TNRC6A: variants seen among roughly 807,000 people sequenced by gnomAD.
The protein encoded by TNRC6A is trinucleotide repeat containing adaptor 6A, also known as trinucleotide repeat-containing gene 6A protein.
TNRC6A carries 44 observed loss-of-function variants against 221.2 expected under a neutral mutation model. That is an observed-to-expected ratio of 0.20 (90% confidence interval 0.16 to 0.26). The LOEUF is 0.26. Among genes scored for constraint, TNRC6A ranks in the 10% least tolerant of loss-of-function variants. TNRC6A has a pLI of 1.00. For synonymous variants in TNRC6A, 847 were observed against 838.5 expected, an observed-to-expected ratio of 1.01 and a Z score of -0.18; for missense variants, 2,199 against 2,404.4, an observed-to-expected ratio of 0.91 and a Z score of 1.79.
chr16:24,776,277 A>G, intron 4 of TNRC6A: 2 of 985,092 alleles, frequency 2.0e-6, no homozygotes, highest in Non-Finnish European at 2.4e-6. Flanking sequence ...TATTTTTCAG[A>G]TTTAAGATAG....
At chr16:24,819,050 G>A (rs955006384) in intron 21 of TNRC6A, among the ~76,000 whole-genome samples, 11 of 151,800 alleles carry the variant, frequency 7.2e-5, no homozygotes, top group South Asian at 2.1e-4. Flanking sequence ...TGTAAAATAC[G>A]GTAAACATGA....
intron 2 of TNRC6A, among the ~76,000 whole-genome samples, chr16:24,684,529 G>A (rs1033470752): frequency 6.6e-6 from 1 of 152,126 alleles, no homozygotes; most frequent in Admixed American, 6.6e-5. Context: ...TGTAGGGCTG[G>A]GCACAGCAGC....
At chr16:24,622,910 T>C (rs916227243) in intron 1 of TNRC6A, among the ~76,000 whole-genome samples, 1 of 152,182 alleles carries the variant, frequency 6.6e-6, no homozygotes, top group Non-Finnish European at 1.5e-5. Context: ...GTGCGGTACA[T>C]AGGTGAATGA....
intron 2 of TNRC6A, among the ~76,000 whole-genome samples, chr16:24,743,488 G>A (rs552169475): frequency 1.1e-4 from 17 of 152,164 alleles, no homozygotes; most frequent in Admixed American, 9.2e-4. Flanking sequence ...ACCACACCCA[G>A]TTAATTTTTA....
intron 18 of TNRC6A, among the ~76,000 whole-genome samples, chr16:24,811,608 T>C (rs2058544793): frequency 1.3e-5 from 2 of 151,940 alleles, no homozygotes; most frequent in Admixed American, 6.6e-5. Context: ...AATTTGAACA[T>C]TGCCTTTTGT....
chr16:24,760,798 A>C (rs890690721), intron 4 of TNRC6A, among the ~76,000 whole-genome samples: 1 of 152,156 alleles, frequency 6.6e-6, no homozygotes, highest in Non-Finnish European at 1.5e-5. Context: ...CTTCTCATAT[A>C]CGCTTCATTC....
chr16:24,790,752 C>T lies in TNRC6A; in HGVS notation c.2110C>T (p.Leu704Phe), dbSNP rs770410818. ...AAGAAAAATTGATCAGCACACATTA[C>T]TCCAAAGCATTGTAAACAGAACTGA... ...DRRKIDQHTL[L>F]QSIVNRTDLD... The change falls in exon 6 of 25, where the codon CTC (leucine) becomes TTC (phenylalanine). Residue 704 changes from leucine (L) to phenylalanine (F), a missense_variant. By Grantham distance (22) the Leu-to-Phe change is conservative. This residue lies in a region of TNRC6A where 1,405 missense variants were observed against 1,400.2 expected (regional missense o/e 1.00). Coordinates refer to ENST00000395799, the MANE Select transcript of TNRC6A (RefSeq NM_014494.4). 1.3e-5 allele frequency: 21 copies of T among 1,614,020 alleles called. No individual in the cohort carries two copies. The highest frequency in any genetic ancestry group is 2.2e-5 in the East Asian group (1 of 44,892).
intron 6 of TNRC6A, 98 bp downstream of exon 6, chr16:24,791,915 T>C (rs2151882816): frequency 7.7e-7 from 1 of 1,304,804 alleles, no homozygotes. Flanking sequence ...AAGGCTGTTC[T>C]TACTGTAATC....
Position 24,809,389 on chromosome 16 carries a change from G to C in TNRC6A, c.4580G>C (p.Ser1527Thr), listed in dbSNP as rs886227819. ...SNLNVNMDMN[S>T]IKEPQSRLRK... ...TTGAATGTAAATATGGATATGAACA[G>C]TATTAAAGAGCCACAGTCAAGACTA... is the stretch of plus-strand genomic sequence containing the variant. Residue 1527 changes from serine (S) to threonine (T), a missense_variant, in exon 18 of 25, where the codon AGT becomes ACT. By Grantham distance (58) the Ser-to-Thr change is moderately conservative. Transcript: ENST00000395799. 1 of 1,594,568 alleles carries C rather than the reference G, an allele frequency of 6.3e-7. No homozygotes were observed. The highest frequency in any genetic ancestry group is 1.1e-5 in the South Asian group (1 of 87,500).
chr16:24,726,664 G>A (rs1269791065), upstream of TNRC6A, among the ~76,000 whole-genome samples: 1 of 152,302 alleles, frequency 6.6e-6, no homozygotes, highest in East Asian at 1.9e-4. Flanking sequence ...AGAAAGCATT[G>A]TTGGGAACGA....
intron 2 of TNRC6A, among the ~76,000 whole-genome samples, chr16:24,737,936 G>A (rs1236458584): frequency 1.3e-5 from 2 of 152,134 alleles, no homozygotes. Flanking sequence ...ATAATTGACT[G>A]TATAACTGAT....
intron 2 of TNRC6A, chr16:24,664,723 G>C (rs72768616): frequency 0.14 from 23,528 of 165,448 alleles, 2,278 homozygotes; most frequent in Non-Finnish European, 0.2. Flanking sequence ...AGTAGGGAGA[G>C]ATCAGAAGAC....
At chr16:24,693,512 C>T (rs765892937) in intron 2 of TNRC6A, among the ~76,000 whole-genome samples, 5 of 152,022 alleles carry the variant, frequency 3.3e-5, no homozygotes, top group Non-Finnish European at 7.4e-5. Context: ...CGCTTGAATC[C>T]GGGAGGCAGA....
intron 2 of TNRC6A, among the ~76,000 whole-genome samples, chr16:24,709,824 CAA>C (rs60844823): frequency 6.1e-4 from 63 of 103,660 alleles, no homozygotes; most frequent in African/African-American, 5.2e-4. Context: ...GACCCTGTCT[CAA>C]AAAAAAAAAA....
In TNRC6A at chr16:24,818,660, C is replaced by G; in HGVS notation, c.5040C>G (p.Asn1680Lys). The stretch of plus-strand genomic sequence containing the variant: ...CCTGGTCATCCATTCGTGCCTCCAA[C>G]TACAACGTTCCCCTCAGCAGTACAG... ...TSAWSSIRASNYNVPLSSTAQ... is the reference protein window; with the variant it reads ...TSAWSSIRASKYNVPLSSTAQ... The change falls in exon 21 of 25, where the codon AAC becomes AAG. Residue 1680 changes from asparagine (N) to lysine (K), a missense_variant. Asn to Lys is a moderately conservative substitution (Grantham distance 94). Around this residue, in one of 8 missense-constraint regions of TNRC6A, gnomAD observed 449 missense variants for 579.7 expected, o/e 0.77. Coordinates refer to ENST00000395799, the MANE Select transcript of TNRC6A (RefSeq NM_014494.4). 1.2e-6 allele frequency: 2 copies of G among 1,614,194 alleles called. No homozygotes were observed. Among genetic ancestry groups the G allele is most frequent in the Non-Finnish European group, 1.7e-6 (2 of 1,180,022 alleles).
intron 2 of TNRC6A, among the ~76,000 whole-genome samples, chr16:24,696,207 G>C (rs1567364360): frequency 6.6e-6 from 1 of 151,966 alleles, no homozygotes; most frequent in Admixed American, 6.6e-5. Context: ...AATTAGCTGG[G>C]CGTGGTGGCG....
At chr16:24,661,944 CT>C (rs2055043786) in intron 2 of TNRC6A, 1 of 152,074 alleles carries the variant, frequency 6.6e-6, no homozygotes, top group Non-Finnish European at 1.5e-5. Flanking sequence ...CTCTGTAGTC[CT>C]AGTTGCTTAG....
At chr16:24,753,079 T>G (rs904854773) in intron 3 of TNRC6A, among the ~76,000 whole-genome samples, 14 of 152,218 alleles carry the variant, frequency 9.2e-5, no homozygotes, top group African/African-American at 3.4e-4. Context: ...ATCAAATCTC[T>G]AAATCACCAA....
intron 2 of TNRC6A, among the ~76,000 whole-genome samples, chr16:24,736,491 G>T (rs1254528308): frequency 6.6e-6 from 1 of 152,098 alleles, no homozygotes; most frequent in Non-Finnish European, 1.5e-5. Context: ...GCATTTAGTT[G>T]TGTCTGAAGT....
Sources: gnomAD v4.1 joint callset for allele counts (sites outside exome capture counted in the v4.1 genomes callset) on GRCh38, gnomAD v4.1.1 for gene constraint, gnomAD v4.1.1 regional missense constraint, MANE v1.5 for transcripts, NCBI Gene and HGNC (gene_info 2026-07-23, HGNC 2026-07-21) for gene names.